The following SHLD2 variants were observed in gnomAD, a reference collection of about 807,000 sequenced individuals.
SHLD2 encodes the protein RINN1-REV7-interacting novel NHEJ regulator 2.
SHLD2 carries 30 observed loss-of-function variants against 73.2 expected under a neutral mutation model. The ratio of observed to expected loss-of-function variants is 0.41; its 90% CI spans 0.31 to 0.56. The LOEUF (loss-of-function observed/expected upper bound fraction) is 0.56. Ranked by LOEUF, SHLD2 falls within the 20% of genes least tolerant of loss-of-function variation. The probability of loss-of-function intolerance (pLI) is 0.28; values close to 1 mark genes in which losing one functional copy is unlikely to be tolerated. For missense variants in SHLD2, 745 were observed against 1,055.9 expected (o/e 0.71, Z 4.08); for synonymous variants, 285 against 370.1 (o/e 0.77, Z 2.64).
chr10:87,177,114 C>T (rs1241305732), intron 7 of SHLD2, among the ~76,000 whole-genome samples: 6 of 151,770 alleles, frequency 4.0e-5, no homozygotes, highest in African/African-American at 1.2e-4. Flanking sequence ...GTGCCCCTCC[C>T]GTGCTCTGCT....
intron 2 of SHLD2, among the ~76,000 whole-genome samples, chr10:87,139,583 C>T (rs530791429): frequency 6.6e-6 from 1 of 152,266 alleles, no homozygotes; most frequent in East Asian, 1.9e-4. Flanking sequence ...TAAAAAGACA[C>T]AAGCCAGATA....
At chr10:87,132,722 C>T (rs1009623321) in intron 2 of SHLD2, among the ~76,000 whole-genome samples, 10 of 151,868 alleles carry the variant, frequency 6.6e-5, no homozygotes, top group Admixed American at 2.6e-4. Flanking sequence ...TGTGGTGAGC[C>T]GAGATCGTAG....
intron 2 of SHLD2, among the ~76,000 whole-genome samples, chr10:87,100,611 G>A (rs539759485): frequency 6.6e-6 from 1 of 152,132 alleles, no homozygotes; most frequent in South Asian, 2.1e-4. Flanking sequence ...CTGAGTAGCT[G>A]GGATTACAGG....
At chr10:87,176,190 C>T in intron 7 of SHLD2, 95 bp downstream of exon 7, 2 of 1,424,522 alleles carry the variant, frequency 1.4e-6, no homozygotes, top group South Asian at 1.3e-5. Context: ...GGTGTGAACA[C>T]AGCTCACTGC....
chr10:87,147,235 T>C (rs1047113377), intron 2 of SHLD2, among the ~76,000 whole-genome samples: 1 of 152,112 alleles, frequency 6.6e-6, no homozygotes, highest in Non-Finnish European at 1.5e-5. Flanking sequence ...GTCTGAAGTT[T>C]GGGAGAGAGA....
rs1849052669 is a variant in SHLD2 at position 87,191,384 on chromosome 10, G to C, written c.*701G>C. The C allele has an allele frequency of 6.5e-6, 1 of 153,994 alleles. No individual in the cohort carries two copies. Among genetic ancestry groups the C allele is most frequent in the South Asian group, 2.0e-4 (1 of 4,964 alleles). 9.5% of individuals were successfully genotyped at this position (153,994 alleles called of 1,614,324 possible). A position where few individuals can be genotyped will look rare whatever the true frequency, so the allele number is the denominator to read the frequency against. ...AGTCATTAATGAGGAAGTATGGCGT[G>C]GTACTTATTCTGTAAGTTCAGAGTA... is the stretch of plus-strand genomic sequence containing the variant. On this transcript the variant is annotated 3_prime_UTR_variant, in exon 10 of 10. Coordinates refer to ENST00000298786, the MANE Select transcript of SHLD2 (RefSeq NM_001330112.2).
intron 2 of SHLD2, among the ~76,000 whole-genome samples, chr10:87,145,135 G>C (rs369758998): frequency 6.6e-6 from 1 of 151,312 alleles, no homozygotes; most frequent in East Asian, 1.9e-4. Context: ...TGGAGACGGG[G>C]TTTCACCGTG....
intron 2 of SHLD2, among the ~76,000 whole-genome samples, chr10:87,146,325 G>A (rs942979598): frequency 2.0e-5 from 3 of 151,856 alleles, no homozygotes; most frequent in African/African-American, 4.8e-5. Context: ...ACAGAGTCTC[G>A]CTCTGTTGTC....
At chr10:87,153,117 C>T (rs554205875) in intron 3 of SHLD2, among the ~76,000 whole-genome samples, 1 of 152,252 alleles carries the variant, frequency 6.6e-6, no homozygotes, top group African/African-American at 2.4e-5. Context: ...TTCCACTTAT[C>T]CCCTCCTTTA....
At chr10:87,160,834 A>T (rs1046870735) in intron 4 of SHLD2, among the ~76,000 whole-genome samples, 1 of 151,702 alleles carries the variant, frequency 6.6e-6, no homozygotes, top group African/African-American at 2.4e-5. Context: ...TACTAAAAAG[A>T]TGAAAAATTA....
chr10:87,160,240 A>G (rs1846706475), intron 4 of SHLD2, among the ~76,000 whole-genome samples: 1 of 152,124 alleles, frequency 6.6e-6, no homozygotes, highest in South Asian at 2.1e-4. Context: ...TAATCCCAGC[A>G]CTTTGGGTGG....
chr10:87,124,863 G>C (rs1843883351), intron 2 of SHLD2, among the ~76,000 whole-genome samples: 1 of 150,474 alleles, frequency 6.6e-6, no homozygotes, highest in Admixed American at 6.7e-5. Flanking sequence ...TCCTACCTCA[G>C]CCTCCTGAGT....
rs371380430 is a variant in SHLD2, at chr10:87,152,224, G to T, written c.870G>T (p.Ser290=). The T allele has an allele frequency of 1.1e-4, 175 of 1,578,116 alleles. No homozygotes were observed. The African/African-American group carries it at 2.1e-3, about 19-fold the overall frequency. The change falls in exon 3 of 10, where the codon TCG becomes TCT. Residue 290 remains serine (S), a synonymous_variant. Coordinates refer to ENST00000298786, the MANE Select transcript of SHLD2 (RefSeq NM_001330112.2). Reference sequence around the variant, plus strand: ...AGATAAGAATACCTGAAGAGAATTCGATTCAGCTTGATGGTTTTACAGAAG... The same window carrying T: ...AGATAAGAATACCTGAAGAGAATTCTATTCAGCTTGATGGTTTTACAGAAG... ...YGEIRIPEEN[S]IQLDGFTEAY... is the part of the protein sequence containing the mutation.
chr10:87,161,375 G>A (rs1402127333), intron 4 of SHLD2, among the ~76,000 whole-genome samples: 2 of 152,142 alleles, frequency 1.3e-5, no homozygotes, highest in East Asian at 1.9e-4. Flanking sequence ...CAGGCTGGGG[G>A]ATGAGGTTGC....
Position 87,158,036 on chromosome 10 carries a change from T to C in SHLD2, c.1526-12T>C. 6.2e-7 allele frequency: 1 copy of C among 1,608,998 alleles called. No homozygotes were observed. Among genetic ancestry groups the C allele is most frequent in the Non-Finnish European group, 8.5e-7 (1 of 1,178,152 alleles). ...ATTTATGGCATGATCAGAACGTTTT[T>C]TCTCTCTCTAGATGTTGTTATTCAT... On this transcript the variant is annotated splice_polypyrimidine_tract_variant and intron_variant, in intron 3 of 9. Coordinates refer to ENST00000298786, the MANE Select transcript of SHLD2 (RefSeq NM_001330112.2).
chr10:87,173,928 T>C (rs1476996043), intron 6 of SHLD2, among the ~76,000 whole-genome samples: 1 of 152,172 alleles, frequency 6.6e-6, no homozygotes, highest in Admixed American at 6.5e-5. Context: ...GTAATGATGA[T>C]AGATGATTTT....
At chr10:87,149,299 C>G (rs1242412752) in intron 2 of SHLD2, among the ~76,000 whole-genome samples, 1 of 151,700 alleles carries the variant, frequency 6.6e-6, no homozygotes, top group African/African-American at 2.4e-5. Flanking sequence ...AGTGGTAAAT[C>G]TAATAATGAC....
chr10:87,126,791 AT>A (rs1333061736), intron 2 of SHLD2, among the ~76,000 whole-genome samples: 1 of 152,196 alleles, frequency 6.6e-6, no homozygotes, highest in African/African-American at 2.4e-5. Context: ...AAAGGAAGAC[AT>A]TCTTTCAGTT....
intron 4 of SHLD2, among the ~76,000 whole-genome samples, chr10:87,162,672 A>G (rs1283092624): frequency 5.9e-5 from 9 of 152,276 alleles, no homozygotes; most frequent in Non-Finnish European, 1.3e-4. Flanking sequence ...CTAGCCTGGC[A>G]AAAGGGAAAA....
Sources: allele counts gnomAD v4.1 joint callset (sites outside exome capture counted in the v4.1 genomes callset), GRCh38; gene constraint gnomAD v4.1.1; transcripts MANE v1.5; gene names NCBI Gene and HGNC (gene_info 2026-07-23, HGNC 2026-07-21).